POLK: variants seen among roughly 807,000 people sequenced by gnomAD.
POLK encodes polymerase (DNA directed) kappa.
POLK carries 76 observed loss-of-function variants against 94.0 expected under a neutral mutation model. The observed-to-expected ratio is 0.81, with a 90% CI of 0.67 to 0.98. The LOEUF (loss-of-function observed/expected upper bound fraction) is 0.98, where lower values mean the gene tolerates loss of function less well. POLK is among the 50% of genes least tolerant of loss of function. POLK has a pLI of 0.00. For synonymous variants in POLK, 349 were observed against 325.4 expected, an observed-to-expected ratio of 1.07 and a Z score of -0.78; for missense variants, 954 against 1,010.1, an observed-to-expected ratio of 0.94 and a Z score of 0.75.
At chr5:75,595,655 C>A (rs547810609) in intron 12 of POLK, among the ~76,000 whole-genome samples, 13 of 152,124 alleles carry the variant, frequency 8.5e-5, no homozygotes. Flanking sequence ...TATAATGACA[C>A]GTCATTATAA....
rs562919799 is a variant in POLK at position 75,556,029 on chromosome 5, C to T, written c.255+3438C>T. On this transcript the variant is annotated intron_variant, in intron 3 of 14. Transcript: ENST00000241436. ...ACTCCTTTAGGTAAATACTAAGGAG[C>T]GCAATTGCTGGATAATATGGTAAAA... is the stretch of plus-strand genomic sequence containing the variant. Among the ~76,000 whole-genome samples the T allele has an allele frequency of 4.6e-5, 7 of 152,234 alleles. No homozygotes were observed. The South Asian group carries it at 6.2e-4, about 14-fold the overall frequency.
chr5:75,563,039 G>A (rs1436744235), intron 3 of POLK, among the ~76,000 whole-genome samples: 2 of 152,164 alleles, frequency 1.3e-5, no homozygotes, highest in Non-Finnish European at 2.9e-5. Context: ...ATGAGTTAGC[G>A]GGGAGTCCCT....
At chr5:75,604,047 C>G (rs1037223816), downstream of POLK, among the ~76,000 whole-genome samples, 1 of 152,140 alleles carries the variant, frequency 6.6e-6, no homozygotes, top group Non-Finnish European at 1.5e-5. Flanking sequence ...TACGGAGAGT[C>G]ATTTGTTGAC....
At chr5:75,607,363 G>T in the POLK span, among the ~76,000 whole-genome samples, 1 of 151,860 alleles carries the variant, frequency 6.6e-6, no homozygotes, top group East Asian at 1.9e-4. Context: ...AGCTACTCAG[G>T]AGGCTGAGGC....
At chr5:75,528,104 A>G (rs771704567) in intron 1 of POLK, among the ~76,000 whole-genome samples, 4 of 152,230 alleles carry the variant, frequency 2.6e-5, no homozygotes, top group Non-Finnish European at 5.9e-5. Flanking sequence ...ATTTCCCTTC[A>G]TACAGTTTTA....
intron 1 of POLK, among the ~76,000 whole-genome samples, chr5:75,543,526 G>C (rs770762947): frequency 1.3e-5 from 2 of 152,160 alleles, no homozygotes; most frequent in African/African-American, 2.4e-5. Flanking sequence ...CAGGAAGGCC[G>C]TAAATGGAGC....
intron 3 of POLK, among the ~76,000 whole-genome samples, chr5:75,564,249 TC>T (rs1771146959): frequency 6.6e-6 from 1 of 151,086 alleles, no homozygotes; most frequent in African/African-American, 2.5e-5. Flanking sequence ...TTTCTTTCTT[TC>T]TTTTCTTTCT....
chr5:75,559,697 C>T (rs1770872325), intron 3 of POLK, among the ~76,000 whole-genome samples: 1 of 151,390 alleles, frequency 6.6e-6, no homozygotes, highest in African/African-American at 2.4e-5. Flanking sequence ...CACTTTCACA[C>T]TCAGTTAATT....
Position 75,539,211 on chromosome 5 carries a change from A to T in POLK, c.-13-7799A>T, listed in dbSNP as rs536397357. On this transcript the variant is annotated intron_variant, in intron 1 of 14. Coordinates refer to ENST00000241436, the Ensembl canonical transcript of POLK. ...AGGAAGGTATGTGATTATGTTTCTAAATCATTTTGGCTTAATCACTCCAAG... is the reference window on the plus strand; with the variant it reads ...AGGAAGGTATGTGATTATGTTTCTATATCATTTTGGCTTAATCACTCCAAG... 4.6e-5 allele frequency among the ~76,000 whole-genome samples: 7 copies of T among 152,010 alleles called. No homozygotes were observed. In the South Asian group the frequency reaches 1.5e-3, roughly 31 times the overall value.
chr5:75,539,198 G>A (rs16872590), intron 1 of POLK, among the ~76,000 whole-genome samples: 10,826 of 151,314 alleles, frequency 0.072, 871 homozygotes, highest in African/African-American at 0.19. Context: ...GAAGGTATGT[G>A]ATTATGTTTC....
At chr5:75,585,913 G>T (rs1028949598) in intron 9 of POLK, among the ~76,000 whole-genome samples, 3 of 152,122 alleles carry the variant, frequency 2.0e-5, no homozygotes, top group Non-Finnish European at 4.4e-5. Context: ...AGATTGCAAG[G>T]CTTGTTGTGT....
intron 12 of POLK, among the ~76,000 whole-genome samples, chr5:75,595,228 A>G (rs1004205685): frequency 1.4e-5 from 2 of 140,886 alleles, no homozygotes; most frequent in Admixed American, 7.1e-5. Flanking sequence ...CCTGGGCAAC[A>G]AGAGTGAAAC....
At position 75,597,833 on chromosome 5, in the gene POLK, A is replaced by C. The variant is rs1773174744; in HGVS notation, c.2528+44A>C. ...TTAATAAAGCTGGCTACAATATGAA[A>C]ATTCAATTATTTTATAAATTATTAA... is the stretch of plus-strand genomic sequence containing the variant. On this transcript the variant is annotated intron_variant, in intron 14 of 14. Coordinates refer to ENST00000241436, the Ensembl canonical transcript of POLK. The C allele has an allele frequency of 2.3e-6, 3 of 1,294,936 alleles. No homozygotes were observed. The East Asian group carries it at 7.5e-5, about 33-fold the overall frequency. The allele number at this position is 1,294,936 out of a possible 1,614,324, so 80.2% of individuals were successfully genotyped here. A position where few individuals can be genotyped will look rare whatever the true frequency, so the allele number is the denominator to read the frequency against.
rs527684687 is a variant in POLK, at chr5:75,528,668, G to A, written c.-14+16754G>A. Among the ~76,000 whole-genome samples, 93 of 151,978 alleles carry A rather than the reference G, an allele frequency of 6.1e-4. 1 individual carries two copies. Among genetic ancestry groups the A allele is most frequent in the African/African-American group, 2.2e-3 (90 of 41,466 alleles). On this transcript the variant is annotated intron_variant, in intron 1 of 14. Transcript: ENST00000241436. The stretch of plus-strand genomic sequence containing the variant: ...CTCTACCAAAAAAAAAAAAAAATTT[G>A]GGCAAGGTGGCACATACGTGTAGTC...
At chr5:75,514,150 A>G (rs555130711) in intron 1 of POLK, among the ~76,000 whole-genome samples, 2 of 152,326 alleles carry the variant, frequency 1.3e-5, no homozygotes, top group African/African-American at 4.8e-5. Flanking sequence ...AGATCTTGCT[A>G]TATGATAATC....
intron 1 of POLK, among the ~76,000 whole-genome samples, chr5:75,519,701 C>T (rs1003807879): frequency 2.0e-5 from 3 of 152,182 alleles, no homozygotes; most frequent in Non-Finnish European, 4.4e-5. Context: ...TACTCCTGCT[C>T]TTTTCTGGTT....
chr5:75,581,659 A>C, intron 7 of POLK: 5 of 520,802 alleles, frequency 9.6e-6, no homozygotes, highest in Non-Finnish European at 1.7e-5. Context: ...GAAGGAAAAA[A>C]AAGATTATAC....
intron 3 of POLK, among the ~76,000 whole-genome samples, chr5:75,561,224 T>C (rs904214910): frequency 1.3e-5 from 2 of 152,262 alleles, no homozygotes; most frequent in African/African-American, 4.8e-5. Flanking sequence ...TGTGAGATGG[T>C]ATCTCATTGT....
chr5:75,571,303 TA>T (rs1478863021), intron 4 of POLK, among the ~76,000 whole-genome samples: 2 of 152,208 alleles, frequency 1.3e-5, no homozygotes, highest in Non-Finnish European at 2.9e-5. Context: ...TTCCCACTGA[TA>T]AAATTCTTTT....
Sources: allele counts gnomAD v4.1 joint callset (sites outside exome capture counted in the v4.1 genomes callset), GRCh38; gene constraint gnomAD v4.1.1; transcripts MANE v1.5; gene names NCBI Gene and HGNC (gene_info 2026-07-23, HGNC 2026-07-21).